Variants in LRRC73 observed in about 807,000 individuals in gnomAD.
The protein encoded by LRRC73 is leucine-rich repeat-containing protein 73.
Under a neutral mutation model 26.4 loss-of-function variants are expected in LRRC73, and 16 were observed. The ratio of observed to expected loss-of-function variants is 0.61; its 90% CI spans 0.41 to 0.92. The LOEUF (loss-of-function observed/expected upper bound fraction) is 0.92. LRRC73 is among the 40% of genes least tolerant of loss of function. The probability of loss-of-function intolerance (pLI) is 0.00; values close to 1 mark genes in which losing one functional copy is unlikely to be tolerated. For missense variants in LRRC73, 344 were observed against 416.3 expected (o/e 0.83, Z 1.51); for synonymous variants, 210 against 179.8 (o/e 1.17, Z -1.34).
exon 1 of LRRC73, chr6:43,509,806 C>T (rs781657133): frequency 2.0e-6 from 3 of 1,495,960 alleles, no homozygotes; most frequent in African/African-American, 1.4e-5. Context: ...GCTGGGCCTC[C>T]GGGTACGGGG....
At chr6:43,507,657 T>A in exon 5 of LRRC73, 1 of 1,614,072 alleles carries the variant, frequency 6.2e-7, no homozygotes, top group African/African-American at 1.3e-5. Flanking sequence ...GTGGGGTAAT[T>A]TTCTACCATG....
chr6:43,509,269 G>A (rs905831462), intron 1 of LRRC73, among the ~76,000 whole-genome samples: 1 of 152,188 alleles, frequency 6.6e-6, no homozygotes, highest in African/African-American at 2.4e-5. Context: ...TGATTAGGTG[G>A]GGAGGTACGG....
chr6:43,508,159 A>G, intron 3 of LRRC73, 139 bp downstream of exon 3: 1 of 1,310,286 alleles, frequency 7.6e-7, no homozygotes, highest in South Asian at 1.5e-5. Flanking sequence ...GTCCGCCACA[A>G]AGCTATCTCC....
chr6:43,509,017 G>A, intron 1 of LRRC73, 97 bp from the exon 2 acceptor site: 1 of 1,288,830 alleles, frequency 7.8e-7, no homozygotes, highest in Admixed American at 2.9e-5. Context: ...GTATGGGGAG[G>A]GCAGTCACAG....
chr6:43,509,901 G>A (rs1355587619), exon 1 of LRRC73: 2 of 863,806 alleles, frequency 2.3e-6, no homozygotes, highest in Admixed American at 4.3e-5. Flanking sequence ...GGCGGAGTGG[G>A]GCCGGGGGTG....
At chr6:43,508,470 T>A (rs768638493) in intron 2 of LRRC73, 50 bp from the exon 3 acceptor site, 2 of 1,609,908 alleles carry the variant, frequency 1.2e-6, no homozygotes, top group South Asian at 2.2e-5. Flanking sequence ...TAAGCCCTCC[T>A]CCAGCCCTTC....
chr6:43,508,276 A>AG, intron 3 of LRRC73, 22 bp downstream of exon 3: 1 of 1,599,902 alleles, frequency 6.3e-7, no homozygotes, highest in Non-Finnish European at 8.5e-7. Context: ...TGACAGCCCA[A>AG]GGGGGTATTC....
Position 43,507,683 on chromosome 6 carries a change from A to C in LRRC73, c.658-5T>G. 1.2e-6 allele frequency: 2 copies of C among 1,613,674 alleles called. No homozygotes were observed. Among genetic ancestry groups the C allele is most frequent in the Non-Finnish European group, 1.7e-6 (2 of 1,179,658 alleles). ...TTCTACCATGTCCAGCAGGGTCTGA[A>C]GTGGGGAAGAATATGGAAAAGGATG... On this transcript the variant is annotated splice_polypyrimidine_tract_variant and splice_region_variant and intron_variant, in intron 4 of 5. Coordinates refer to ENST00000372441, the Ensembl canonical transcript of LRRC73.
At chr6:43,507,002 T>G in exon 6 of LRRC73, 1 of 549,752 alleles carries the variant, frequency 1.8e-6, no homozygotes, top group Non-Finnish European at 3.3e-6. Context: ...GCCAGCGGGT[T>G]GCAGCCAGAG....
In LRRC73 at chr6:43,507,685, T is replaced by C; in HGVS notation, c.658-7A>G. The C allele has an allele frequency of 6.2e-7, 1 of 1,613,290 alleles. No individual in the cohort carries two copies. Among genetic ancestry groups the C allele is most frequent in the Middle Eastern group, 1.7e-4 (1 of 6,054 alleles). On this transcript the variant is annotated splice_polypyrimidine_tract_variant and splice_region_variant and intron_variant, in intron 4 of 5. Coordinates refer to ENST00000372441, the Ensembl canonical transcript of LRRC73. Reference sequence around the variant, plus strand: ...CTACCATGTCCAGCAGGGTCTGAAGTGGGGAAGAATATGGAAAAGGATGAA... The same window carrying C: ...CTACCATGTCCAGCAGGGTCTGAAGCGGGGAAGAATATGGAAAAGGATGAA...
exon 2 of LRRC73, chr6:43,508,895 C>T: frequency 6.2e-7 from 1 of 1,609,412 alleles, no homozygotes; most frequent in Non-Finnish European, 8.5e-7. Context: ...GCCAGCCCCG[C>T]ATCTGTCAGG....
exon 2 of LRRC73, chr6:43,508,827 G>A: frequency 6.2e-7 from 1 of 1,613,142 alleles, no homozygotes; most frequent in South Asian, 1.1e-5. Flanking sequence ...CCAGCATGCA[G>A]TCCCCCAGGT....
chr6:43,509,934 C>A, exon 1 of LRRC73: 2 of 544,024 alleles, frequency 3.7e-6, no homozygotes, highest in Non-Finnish European at 5.5e-6. Context: ...GTGGCGGAGG[C>A]TGCGGCTGCG....
intron 5 of LRRC73, 54 bp downstream of exon 5, chr6:43,507,402 C>G: frequency 1.2e-6 from 2 of 1,609,696 alleles, no homozygotes; most frequent in Non-Finnish European, 1.7e-6. Flanking sequence ...ACCCACTCTC[C>G]CTTGTCCCGA....
exon 3 of LRRC73, chr6:43,508,332 C>G (rs768281578): frequency 1.2e-6 from 2 of 1,613,504 alleles, no homozygotes; most frequent in South Asian, 1.1e-5. Flanking sequence ...GGACGCGGAC[C>G]TGGGAGCTGT....
chr6:43,509,098 G>A (rs1582167966), intron 1 of LRRC73, among the ~76,000 whole-genome samples, 178 bp from the exon 2 acceptor site: 1 of 151,998 alleles, frequency 6.6e-6, no homozygotes, highest in Admixed American at 6.5e-5. Flanking sequence ...GGGAGAATTC[G>A]GTTTGTTTTC....
chr6:43,508,532 C>T (rs1291458579), intron 2 of LRRC73, 112 bp from the exon 3 acceptor site: 68 of 1,516,256 alleles, frequency 4.5e-5, no homozygotes, highest in Non-Finnish European at 1.2e-5. Flanking sequence ...CACCACCTTA[C>T]CCCCACCATA....
chr6:43,508,511 T>C (rs1792574638), intron 2 of LRRC73, 91 bp from the exon 3 acceptor site: 1 of 1,575,544 alleles, frequency 6.3e-7, no homozygotes. Flanking sequence ...GGGGTGTCCC[T>C]AGTGGCTGGG....
chr6:43,507,871 C>T (rs1284047685), exon 4 of LRRC73: 5 of 1,613,856 alleles, frequency 3.1e-6, no homozygotes, highest in African/African-American at 1.3e-5. Context: ...AGTCTAGGAC[C>T]TCTAGGGTAC....
Sources: allele counts gnomAD v4.1 joint callset (sites outside exome capture counted in the v4.1 genomes callset), GRCh38; gene constraint gnomAD v4.1.1; transcripts MANE v1.5; gene names NCBI Gene and HGNC (gene_info 2026-07-23, HGNC 2026-07-21).